Variants in ZNF263 observed in about 807,000 individuals in gnomAD.
ZNF263 encodes zinc finger protein 263.
ZNF263 carries 49 observed loss-of-function variants against 63.1 expected under a neutral mutation model. The observed-to-expected ratio is 0.78, with a 90% CI of 0.62 to 0.99. The LOEUF (loss-of-function observed/expected upper bound fraction) is 0.99, where lower values mean the gene tolerates loss of function less well. ZNF263 is among the 50% of genes least tolerant of loss of function. The pLI is 0.00. For synonymous variants in ZNF263, 352 were observed against 324.2 expected (o/e 1.09, Z -0.92); for missense variants, 872 against 854.8 (o/e 1.02, Z -0.25).
downstream of ZNF263, among the ~76,000 whole-genome samples, chr16:3,294,930 A>G (rs984282903): frequency 6.6e-6 from 1 of 152,154 alleles, no homozygotes; most frequent in Non-Finnish European, 1.5e-5. Flanking sequence ...CATCATGAGG[A>G]ATTGCTTGCC....
Position 3,283,499 on chromosome 16 carries a change from C to T in ZNF263, c.-320C>T, listed in dbSNP as rs923458549. On this transcript the variant is annotated 5_prime_UTR_variant, in exon 1 of 6. Transcript: ENST00000219069. The stretch of plus-strand genomic sequence containing the variant: ...TGGGCTTGTGGACGCCTAACTTGCG[C>T]GCTGAGATTTCCGGCGTGGGAGCAG... 8.2e-6 allele frequency: 2 copies of T among 242,952 alleles called. No homozygotes were observed. The highest frequency in any genetic ancestry group is 1.5e-5 in the Non-Finnish European group (2 of 129,056). The allele number at this position is 242,952 out of a possible 1,614,324, so 15.0% of individuals were successfully genotyped here.
Position 3,290,713 on chromosome 16 carries a change from T to A in ZNF263, c.*155T>A. The A allele has an allele frequency of 7.0e-7, 1 of 1,428,214 alleles. No homozygotes were observed. 88.5% of individuals were successfully genotyped at this position (1,428,214 alleles called of 1,614,324 possible). ...AGGGAGGTGCAGAGGCAGCAGAGGATTGGCATAAAACTGAAAAGGAGTTCT... is the reference window on the plus strand; with the variant it reads ...AGGGAGGTGCAGAGGCAGCAGAGGAATGGCATAAAACTGAAAAGGAGTTCT... On this transcript the variant is annotated 3_prime_UTR_variant, in exon 6 of 6. Coordinates refer to ENST00000219069, the MANE Select transcript of ZNF263 (RefSeq NM_005741.5).
At chr16:3,285,840 T>A in intron 3 of ZNF263, 86 bp downstream of exon 3, 1 of 1,550,092 alleles carries the variant, frequency 6.5e-7, no homozygotes, top group Non-Finnish European at 8.9e-7. Context: ...GGAAGGTCCT[T>A]TGTCCCTTAC....
chr16:3,297,872 CTTATA>C (rs1320022128), intron 1 of ZNF263, among the ~76,000 whole-genome samples: 2 of 152,130 alleles, frequency 1.3e-5, no homozygotes, highest in Admixed American at 6.5e-5. Flanking sequence ...CACCTGACAC[CTTATA>C]TTAAATAGGG....
rs1327863789 is a variant in ZNF263, at chr16:3,283,812, C to G, written c.-7C>G. 1 of 1,556,858 alleles carries G rather than the reference C, an allele frequency of 6.4e-7. No individual in the cohort carries two copies. The highest frequency in any genetic ancestry group is 8.7e-7 in the Non-Finnish European group (1 of 1,154,662). ...GTTTCGGGCTAAGGCGCTCTGGAGACCTGACGATGGCGTCGGGCCCGGGCT... is the reference window on the plus strand; with the variant it reads ...GTTTCGGGCTAAGGCGCTCTGGAGAGCTGACGATGGCGTCGGGCCCGGGCT... On this transcript the variant is annotated 5_prime_UTR_variant, in exon 1 of 6. Transcript: ENST00000219069.
At chr16:3,297,453 ATTC>A (rs1270238910) in intron 1 of ZNF263, among the ~76,000 whole-genome samples, 2 of 124,966 alleles carry the variant, frequency 1.6e-5, no homozygotes, top group Admixed American at 8.9e-5. Flanking sequence ...TCAGAAACAG[ATTC>A]TTTTTTTTTT....
At chr16:3,299,672 T>G in intron 2 of ZNF263, 1 of 1,547,148 alleles carries the variant, frequency 6.5e-7, no homozygotes, top group Non-Finnish European at 8.7e-7. Context: ...AACATACATT[T>G]TATTCGACCA....
At chr16:3,285,876 C>T (rs1442255888) in intron 3 of ZNF263, 122 bp downstream of exon 3, 2 of 1,527,206 alleles carry the variant, frequency 1.3e-6, no homozygotes, top group African/African-American at 2.7e-5. Context: ...ACTGCTTTGT[C>T]TATTTCACAC....
chr16:3,289,207 T>C (rs1404830826), intron 5 of ZNF263, among the ~76,000 whole-genome samples, 186 bp from the exon 6 acceptor site: 1 of 152,166 alleles, frequency 6.6e-6, no homozygotes, highest in Non-Finnish European at 1.5e-5. Context: ...TCTGATTCCT[T>C]GACCAGTGGC....
At chr16:3,295,258 C>G (rs909516006), downstream of ZNF263, among the ~76,000 whole-genome samples, 2 of 152,142 alleles carry the variant, frequency 1.3e-5, no homozygotes, top group East Asian at 3.9e-4. Context: ...CCCCCAGAAG[C>G]GAAGGCCGCC....
chr16:3,294,869 A>T (rs1383374936), downstream of ZNF263, among the ~76,000 whole-genome samples: 1 of 152,188 alleles, frequency 6.6e-6, no homozygotes, highest in Non-Finnish European at 1.5e-5. Context: ...CGAGAACGGG[A>T]AAGAAAAACA....
At chr16:3,297,269 G>C (rs1400895230) in intron 1 of ZNF263, among the ~76,000 whole-genome samples, 1 of 148,838 alleles carries the variant, frequency 6.7e-6, no homozygotes, top group Non-Finnish European at 1.5e-5. Context: ...ACTCCAGCTT[G>C]GGTGATACAG....
chr16:3,288,629 T>C, intron 5 of ZNF263, 59 bp downstream of exon 5: 1 of 1,344,834 alleles, frequency 7.4e-7, no homozygotes, highest in Non-Finnish European at 1.0e-6. Context: ...CAGTTAAGAG[T>C]GAGGCATTTT....
chr16:3,290,769 A>C lies in ZNF263; in HGVS notation c.*211A>C, dbSNP rs1473510697. On this transcript the variant is annotated 3_prime_UTR_variant, in exon 6 of 6. Coordinates refer to ENST00000219069, the MANE Select transcript of ZNF263 (RefSeq NM_005741.5). ...CATGAGAAAGGATGGCAAGTCTCTGAGGTGACCTCAGGGTGGAATTCTCTG... is the reference window on the plus strand; with the variant it reads ...CATGAGAAAGGATGGCAAGTCTCTGCGGTGACCTCAGGGTGGAATTCTCTG... 1.0e-5 allele frequency: 14 copies of C among 1,371,622 alleles called. No homozygotes were observed. Among genetic ancestry groups the C allele is most frequent in the Non-Finnish European group, 1.3e-5 (14 of 1,065,346 alleles). The allele number at this position is 1,371,622 out of a possible 1,614,324, so 85.0% of individuals were successfully genotyped here.
chr16:3,300,675 G>C, intron 2 of ZNF263: 1 of 1,508,850 alleles, frequency 6.6e-7, no homozygotes, highest in Non-Finnish European at 8.8e-7. Context: ...TAATGAATTG[G>C]CAAAAAAAAA....
At chr16:3,300,473 T>A (rs527803141) in intron 2 of ZNF263, 1 of 1,614,012 alleles carries the variant, frequency 6.2e-7, no homozygotes, top group Non-Finnish European at 8.5e-7. Flanking sequence ...AACTTCTTAT[T>A]TTTTTTAATG....
chr16:3,299,962 G>C, intron 2 of ZNF263: 1 of 1,613,918 alleles, frequency 6.2e-7, no homozygotes, highest in Non-Finnish European at 8.5e-7. Flanking sequence ...AGTTCCGTCT[G>C]CATTTGCACA....
At chr16:3,285,613 G>C in intron 2 of ZNF263, 68 bp from the exon 3 acceptor site, 6 of 1,517,048 alleles carry the variant, frequency 4.0e-6, no homozygotes, top group Non-Finnish European at 5.5e-6. Context: ...TGGATACTGT[G>C]TTTTAATAAT....
intron 4 of ZNF263, 116 bp downstream of exon 4, chr16:3,286,265 G>A (rs1959354145): frequency 6.9e-7 from 1 of 1,443,960 alleles, no homozygotes; most frequent in African/African-American, 1.4e-5. Context: ...CTCCACAGGA[G>A]ACTTCCCTTT....
Sources: allele counts gnomAD v4.1 joint callset (sites outside exome capture counted in the v4.1 genomes callset), GRCh38; gene constraint gnomAD v4.1.1; transcripts MANE v1.5; gene names NCBI Gene and HGNC (gene_info 2026-07-23, HGNC 2026-07-21).